Variants in FER1L5 observed in about 807,000 individuals in gnomAD.
The protein encoded by FER1L5 is fer-1 like family member 5.
In FER1L5, 187 loss-of-function variants were observed where a neutral mutation model predicts 279.9. The observed-to-expected ratio is 0.67, with a 90% CI of 0.59 to 0.75. The LOEUF (loss-of-function observed/expected upper bound fraction) is 0.75. FER1L5 is among the 30% of genes least tolerant of loss of function. The pLI is 0.00. For synonymous variants in FER1L5, 921 were observed against 989.7 expected (o/e 0.93, Z 1.30); for missense variants, 2,091 against 2,594.4 (o/e 0.81, Z 4.21).
chr2:96,657,221 C>T (rs12471390), intron 9 of FER1L5, among the ~76,000 whole-genome samples: 36,859 of 151,564 alleles, frequency 0.24, 6,012 homozygotes, highest in South Asian at 0.66. Context: ...ACCACAGGCA[C>T]GTGCCACCAT....
In FER1L5 at chr2:96,647,865, C is replaced by G; in HGVS notation, c.318C>G (p.Asn106Lys). The change falls in exon 4 of 53, where the codon AAC becomes AAG. Residue 106 changes from asparagine to lysine, a missense_variant. Physicochemically the swap from Asn to Lys is moderately conservative, Grantham distance 94. Transcript: ENST00000624922. ...TTGTGAAGGACTTGACCCTGCTCAA[C>G]CATTCCATGAAGCCCACAGATGTGA... ...VLFVKDLTLL[N>K]HSMKPTDCTV... The G allele has an allele frequency of 2.6e-6, 4 of 1,551,834 alleles. No homozygotes were observed. Among genetic ancestry groups the G allele is most frequent in the Non-Finnish European group, 3.5e-6 (4 of 1,146,992 alleles).
chr2:96,704,317 A>G lies in FER1L5; in HGVS notation c.5904A>G (p.Ile1968Met). The G allele has an allele frequency of 1.2e-6, 2 of 1,613,960 alleles. No homozygotes were observed. The highest frequency in any genetic ancestry group is 1.7e-6 in the Non-Finnish European group (2 of 1,179,888). ...YRFKLIAFMV[I>M]SIIALMLFNF... ...TCAAACTCATAGCCTTTATGGTCATATCGATTATAGCACTTATGCTGTTTA... is the reference window on the plus strand; with the variant it reads ...TCAAACTCATAGCCTTTATGGTCATGTCGATTATAGCACTTATGCTGTTTA... The change falls in exon 52 of 53, where the codon ATA becomes ATG. Residue 1968 changes from isoleucine to methionine, a missense_variant. Coordinates refer to ENST00000624922, the MANE Select transcript of FER1L5 (RefSeq NM_001293083.2).
In FER1L5 at chr2:96,689,398, C is replaced by T. The variant is rs542350721; in HGVS notation, c.2525+22C>T. 1.3e-6 allele frequency: 2 copies of T among 1,545,640 alleles called. No homozygotes were observed. Among genetic ancestry groups the T allele is most frequent in the Admixed American group, 2.0e-5 (1 of 49,058 alleles). On this transcript the variant is annotated intron_variant, in intron 25 of 52. Coordinates refer to ENST00000624922, the MANE Select transcript of FER1L5 (RefSeq NM_001293083.2). The surrounding 1 kb of genome is among the most constrained non-coding windows in gnomAD (Gnocchi z 4.6). The stretch of plus-strand genomic sequence containing the variant: ...GAAGGTAAGGCCAGAGGGGGCAGGC[C>T]CCACCAGAGGGGACACTTCACCTGG...
chr2:96,694,038 T>C lies in FER1L5; in HGVS notation c.3602T>C (p.Ile1201Thr). ...GAGTTGGGGAAGGAAGAGGGCGAGA[T>C]CTTGGCATCCTGTGAGCTGATCCTC... ...VKELGKEEGEILASCELILQT... is the reference protein window; with the variant it reads ...VKELGKEEGETLASCELILQT... Residue 1201 changes from isoleucine to threonine, a missense_variant, in exon 33 of 53, where the codon ATC becomes ACC. Transcript: ENST00000624922. The surrounding 1 kb of genome is among the most constrained non-coding windows in gnomAD (Gnocchi z 4.6). 6.5e-7 allele frequency: 1 copy of C among 1,547,082 alleles called. No homozygotes were observed. Among genetic ancestry groups the C allele is most frequent in the Middle Eastern group, 1.7e-4 (1 of 5,992 alleles).
intron 45 of FER1L5, 53 bp downstream of exon 45, chr2:96,700,524 A>G (rs2077553290): frequency 6.2e-7 from 1 of 1,606,134 alleles, no homozygotes; most frequent in Non-Finnish European, 8.5e-7. Flanking sequence ...CTAGATCAGG[A>G]GACAGAGATG....
chr2:96,693,864 G>C, intron 32 of FER1L5, 47 bp from the exon 33 acceptor site: 1 of 1,507,876 alleles, frequency 6.6e-7, no homozygotes, highest in Non-Finnish European at 8.9e-7. Flanking sequence ...GACAGAGCTG[G>C]GCCCTGCCAG....
rs900168481 is a variant in FER1L5, at chr2:96,673,431, G to A, written c.1669+177G>A. Among the ~76,000 whole-genome samples the A allele has an allele frequency of 8.6e-5, 13 of 151,852 alleles. No individual in the cohort carries two copies. In the South Asian group the frequency reaches 1.9e-3, roughly 22 times the overall value. ...TCATTTGCCAAACTATAGCTAGCAG[G>A]TGGTGAACCCATGAGTTGAAACTAG... On this transcript the variant is annotated intron_variant, in intron 19 of 52. Transcript: ENST00000624922.
chr2:96,686,491 A>G lies in FER1L5; in HGVS notation c.2229+141A>G, dbSNP rs952890798. The G allele has an allele frequency of 4.2e-6, 4 of 962,972 alleles. No individual in the cohort carries two copies. In the African/African-American group the frequency reaches 5.0e-5, roughly 12 times the overall value. 59.7% of individuals were successfully genotyped at this position (962,972 alleles called of 1,614,324 possible). A position where few individuals can be genotyped will look rare whatever the true frequency, so the allele number is the denominator to read the frequency against. On this transcript the variant is annotated intron_variant, in intron 23 of 52. Transcript: ENST00000624922. ...GGAATGGGGTTGAAACAGTCCCCAG[A>G]GGAAGAGAGGGGTCTGTGGCTGTCA... is the stretch of plus-strand genomic sequence containing the variant.
Position 96,694,553 on chromosome 2 carries a change from A to G in FER1L5, c.3741+89A>G, listed in dbSNP as rs2077289431. 1 of 1,067,624 alleles carries G rather than the reference A, an allele frequency of 9.4e-7. No homozygotes were observed. The highest frequency in any genetic ancestry group is 1.3e-6 in the Non-Finnish European group (1 of 777,674). 66.1% of individuals were successfully genotyped at this position (1,067,624 alleles called of 1,614,324 possible). ...AGCCTTCTGCTGGTCCTCCCTGACT[A>G]CTGGATCCAAAGCTCACACCCCGAA... On this transcript the variant is annotated intron_variant, in intron 34 of 52. Transcript: ENST00000624922. The surrounding 1 kb of genome is among the most constrained non-coding windows in gnomAD (Gnocchi z 4.6).
At chr2:96,662,631 A>G (rs1438728710) in intron 13 of FER1L5, among the ~76,000 whole-genome samples, 1 of 152,202 alleles carries the variant, frequency 6.6e-6, no homozygotes, top group Non-Finnish European at 1.5e-5. Context: ...CATTTTCCAA[A>G]GTGTGCTGAT....
Position 96,693,494 on chromosome 2 carries a change from C to T in FER1L5, c.3293-12C>T. 6.5e-7 allele frequency: 1 copy of T among 1,548,302 alleles called. No individual in the cohort carries two copies. The highest frequency in any genetic ancestry group is 1.2e-5 in the South Asian group (1 of 83,760). On this transcript the variant is annotated splice_polypyrimidine_tract_variant and intron_variant, in intron 31 of 52. Transcript: ENST00000624922. ...GCTCAAGACACTGCTACCTTCTCCTCTACCCCTCCAGGGCCCTTCATTCGG... is the reference window on the plus strand; with the variant it reads ...GCTCAAGACACTGCTACCTTCTCCTTTACCCCTCCAGGGCCCTTCATTCGG...
chr2:96,689,208 C>A lies in FER1L5; in HGVS notation c.2362-5C>A. On this transcript the variant is annotated splice_polypyrimidine_tract_variant and splice_region_variant and intron_variant, in intron 24 of 52. Coordinates refer to ENST00000624922, the MANE Select transcript of FER1L5 (RefSeq NM_001293083.2). The surrounding 1 kb of genome is among the most constrained non-coding windows in gnomAD (Gnocchi z 4.6). ...CGGCCGCCCTGACAAGCTTCCCTCC[C>A]CTAGTATGAGAATCAGGCCAAGTAT... 1 of 1,549,826 alleles carries A rather than the reference C, an allele frequency of 6.5e-7. No homozygotes were observed. Among genetic ancestry groups the A allele is most frequent in the South Asian group, 1.2e-5 (1 of 83,918 alleles).
At chr2:96,669,221 G>A in intron 17 of FER1L5, 84 bp downstream of exon 17, 1 of 1,338,900 alleles carries the variant, frequency 7.5e-7, no homozygotes, top group Non-Finnish European at 1.0e-6. Context: ...GTGCCCCGAG[G>A]CCCCGGCCCT....
rs1346984771 is a variant in FER1L5 at position 96,662,196 on chromosome 2, T to C, written c.1019-19T>C. On this transcript the variant is annotated intron_variant, in intron 12 of 52. Transcript: ENST00000624922. ...AAAAATGCTGCTGGCTCAGATATCT[T>C]TTAACTTGTTGTTCATAGAGAAACA... 1.3e-6 allele frequency: 2 copies of C among 1,551,256 alleles called. No homozygotes were observed. Among genetic ancestry groups the C allele is most frequent in the Non-Finnish European group, 1.7e-6 (2 of 1,146,654 alleles).
At chr2:96,661,551 A>G in intron 11 of FER1L5, 111 bp downstream of exon 11, 1 of 1,507,152 alleles carries the variant, frequency 6.6e-7, no homozygotes. Context: ...CCGCTGCGTC[A>G]CTGCAGGGTT....
rs1336511845 is a variant in FER1L5 at position 96,685,952 on chromosome 2, C to T, written c.1908C>T (p.Pro636=). Residue 636 remains proline, a synonymous_variant, in exon 22 of 53, where the codon CCC becomes CCT. Coordinates refer to ENST00000624922, the MANE Select transcript of FER1L5 (RefSeq NM_001293083.2). Reference sequence around the variant, plus strand: ...GTCCTGGCCACAGGCGCCCTCTGCCCTGCATGACCTATCAGCCCAAAGCCA... The same window carrying T: ...GTCCTGGCCACAGGCGCCCTCTGCCTTGCATGACCTATCAGCCCAAAGCCA... ...ELAEDCKRPL[P]CMTYQPKATS... 1 of 1,544,528 alleles carries T rather than the reference C, an allele frequency of 6.5e-7. No homozygotes were observed. Among genetic ancestry groups the T allele is most frequent in the South Asian group, 1.2e-5 (1 of 82,712 alleles).
chr2:96,691,709 C>A lies in FER1L5; in HGVS notation c.3075+97C>A, dbSNP rs368239269. 1 of 1,545,952 alleles carries A rather than the reference C, an allele frequency of 6.5e-7. No homozygotes were observed. Among genetic ancestry groups the A allele is most frequent in the Non-Finnish European group, 8.7e-7 (1 of 1,144,022 alleles). ...TGGGGCGCTGACTGCGGAGGAAGGG[C>A]CTCTGTTCCTCAGGCTTGCGAGGGT... On this transcript the variant is annotated intron_variant, in intron 29 of 52. Coordinates refer to ENST00000624922, the MANE Select transcript of FER1L5 (RefSeq NM_001293083.2). This position sits in a 1 kb window ranked among gnomAD's most constrained non-coding sequence, Gnocchi z 6.0.
At chr2:96,658,924 T>C (rs1455505064) in intron 9 of FER1L5, among the ~76,000 whole-genome samples, 1 of 152,058 alleles carries the variant, frequency 6.6e-6, no homozygotes, top group Non-Finnish European at 1.5e-5. Context: ...GACAGCCCAT[T>C]CATTTTCTGT....
rs577960293 is a variant in FER1L5 at position 96,693,699 on chromosome 2, T to A, written c.3474+12T>A. On this transcript the variant is annotated intron_variant, in intron 32 of 52. Transcript: ENST00000624922. Reference sequence around the variant, plus strand: ...AGCGTGACTTCTGGGTAAGTTGGGCTGGGCAGAGCAAGGGGAAGAGGACCT... The same window carrying A: ...AGCGTGACTTCTGGGTAAGTTGGGCAGGGCAGAGCAAGGGGAAGAGGACCT... 6.5e-7 allele frequency: 1 copy of A among 1,549,560 alleles called. No homozygotes were observed.
Sources: allele counts gnomAD v4.1 joint callset (sites outside exome capture counted in the v4.1 genomes callset), GRCh38; gene constraint gnomAD v4.1.1; non-coding constraint Gnocchi (gnomAD v3.1); transcripts MANE v1.5; gene names NCBI Gene and HGNC (gene_info 2026-07-23, HGNC 2026-07-21).